XPO6: variants seen among roughly 807,000 people sequenced by gnomAD.
XPO6 encodes the protein exportin 6.
A neutral mutation model predicts 130.0 loss-of-function variants in XPO6; 3 were observed. That is an observed-to-expected ratio of 0.02 (90% CI 0.01 to 0.06). The LOEUF is 0.06. Among genes scored for constraint, XPO6 ranks in the 10% least tolerant of loss-of-function variants. XPO6 has a pLI of 1.00. For missense variants in XPO6, 970 were observed against 1,393.0 expected, an observed-to-expected ratio of 0.70 and a Z score of 4.83; for synonymous variants, 524 against 548.9, an observed-to-expected ratio of 0.95 and a Z score of 0.63.
chr16:28,137,649 T>A (rs1384048880), intron 9 of XPO6, among the ~76,000 whole-genome samples: 4 of 152,170 alleles, frequency 2.6e-5, no homozygotes, highest in Admixed American at 2.6e-4. Flanking sequence ...TATCTTTTTT[T>A]TTTTTAACTT....
intron 9 of XPO6, among the ~76,000 whole-genome samples, chr16:28,142,928 C>T (rs2042920727): frequency 6.6e-6 from 1 of 152,180 alleles, no homozygotes; most frequent in African/African-American, 2.4e-5. Flanking sequence ...CCGGGCTGGT[C>T]TCAAACTCCT....
At chr16:28,203,487 G>A (rs941946951) in intron 1 of XPO6, among the ~76,000 whole-genome samples, 1 of 151,902 alleles carries the variant, frequency 6.6e-6, no homozygotes, top group Admixed American at 6.6e-5. Context: ...CATCCTTCTC[G>A]TGCCCAGGGC....
At chr16:28,194,356 G>A (rs139240733) in intron 1 of XPO6, among the ~76,000 whole-genome samples, 37 of 152,212 alleles carry the variant, frequency 2.4e-4, no homozygotes, top group African/African-American at 7.9e-4. Context: ...TGCTGCAAAC[G>A]AAGAATGTAA....
Position 28,169,834 on chromosome 16 carries a change from G to C in XPO6, c.481C>G (p.Arg161Gly), listed in dbSNP as rs1303341801. The C allele has an allele frequency of 1.9e-6, 3 of 1,614,074 alleles. No individual in the cohort carries two copies. Among genetic ancestry groups the C allele is most frequent in the Non-Finnish European group, 2.5e-6 (3 of 1,180,030 alleles). The part of the protein sequence containing the change: ...KTTSEELACP[R>G]EDLSVARKEE... Reference sequence around the variant, plus strand: ...TTCCGAGCCACACTGAGGTCCTCACGGGGACAAGCCAGCTCTTCTGAAGTT... The same window carrying C: ...TTCCGAGCCACACTGAGGTCCTCACCGGGACAAGCCAGCTCTTCTGAAGTT... The change falls in exon 5 of 24, where the codon CGT becomes GGT. Residue 161 changes from arginine to glycine, a missense_variant. By Grantham distance (125) the Arg-to-Gly change is moderately radical (BLOSUM62 -2). Coordinates refer to ENST00000304658, the MANE Select transcript of XPO6 (RefSeq NM_015171.4).
chr16:28,211,785 G>C lies in XPO6; in HGVS notation c.-417C>G, dbSNP rs1567657144. 1 of 279,956 alleles carries C rather than the reference G, an allele frequency of 3.6e-6. No individual in the cohort carries two copies. Among genetic ancestry groups the C allele is most frequent in the Non-Finnish European group, 6.6e-6 (1 of 151,062 alleles). The allele number at this position is 279,956 out of a possible 1,614,324, so 17.3% of individuals were successfully genotyped here. ...GAACGGGCGGAGGCTGACAGGCCTC[G>C]ACCGCGCGGCCCAGGCGGCCGGCTC... On this transcript the variant is annotated 5_prime_UTR_variant, in exon 1 of 24. Transcript: ENST00000304658.
chr16:28,152,713 G>A lies in XPO6; in HGVS notation c.1170C>T (p.Ser390=). The change falls in exon 8 of 24, where the codon TCC becomes TCT. Residue 390 remains serine (S), a synonymous_variant. Coordinates refer to ENST00000304658, the MANE Select transcript of XPO6 (RefSeq NM_015171.4). The part of the protein sequence containing the change: ...SVHLRRIESY[S]QFPVVEFLTL... ...TCAAAAACTCCACCACAGGGAACTG[G>A]GAGTAAGACTCGATTCTTCTTAGGT... 1.2e-6 allele frequency: 2 copies of A among 1,613,338 alleles called. No homozygotes were observed. Among genetic ancestry groups the A allele is most frequent in the Non-Finnish European group, 1.7e-6 (2 of 1,179,742 alleles).
Position 28,132,646 on chromosome 16 carries a change from CCTT to C in XPO6, c.1537-246_1537-244del, listed in dbSNP as rs1376081777. 7.3e-6 allele frequency among the ~76,000 whole-genome samples: 1 copy of C among 136,624 alleles called. No homozygotes were observed. The highest frequency in any genetic ancestry group is 1.6e-5 in the Non-Finnish European group (1 of 63,132). The allele number at this position is 136,624 out of a possible 152,430, so 89.6% of individuals were successfully genotyped here. ...AAGAAAGAAAACGTATTAGTTCAAC[CCTT>C]TTTTTAAAAAAAAAAAAAAAGCAAA... On this transcript the variant is annotated intron_variant, in intron 11 of 23. Coordinates refer to ENST00000304658, the MANE Select transcript of XPO6 (RefSeq NM_015171.4). The surrounding 1 kb of genome is among the most constrained non-coding windows in gnomAD (Gnocchi z 4.0).
At chr16:28,184,509 G>C (rs1292685383) in intron 1 of XPO6, among the ~76,000 whole-genome samples, 2 of 151,456 alleles carry the variant, frequency 1.3e-5, no homozygotes, top group Middle Eastern at 3.2e-3. Flanking sequence ...ACAATGGAGA[G>C]AGTGTAAAAG....
intron 7 of XPO6, 142 bp from the exon 8 acceptor site, chr16:28,152,927 T>C: frequency 1.5e-6 from 2 of 1,366,536 alleles, no homozygotes; most frequent in African/African-American, 1.5e-5. Flanking sequence ...CTGCAACAAT[T>C]ACCTACAGGA....
intron 9 of XPO6, among the ~76,000 whole-genome samples, chr16:28,137,099 C>T (rs1015186240): frequency 6.6e-6 from 1 of 152,250 alleles, no homozygotes; most frequent in African/African-American, 2.4e-5. Context: ...AGCTTCATTC[C>T]ACATTCCCAG....
chr16:28,113,402 T>C (rs2086978612), intron 15 of XPO6, among the ~76,000 whole-genome samples: 1 of 152,168 alleles, frequency 6.6e-6, no homozygotes, highest in African/African-American at 2.4e-5. Context: ...ACCTCACTAA[T>C]TGTTCCAGCA....
At chr16:28,124,877 GAT>G (rs1288683952) in intron 13 of XPO6, among the ~76,000 whole-genome samples, 1 of 152,228 alleles carries the variant, frequency 6.6e-6, no homozygotes, top group Non-Finnish European at 1.5e-5. Flanking sequence ...CGTCACCAGT[GAT>G]GCGGCTGCTG....
intron 7 of XPO6, among the ~76,000 whole-genome samples, chr16:28,155,072 A>C (rs2043162647): frequency 6.6e-6 from 1 of 152,208 alleles, no homozygotes; most frequent in Non-Finnish European, 1.5e-5. Flanking sequence ...TTAATTTTAG[A>C]AATATTTTAC....
At chr16:28,194,616 C>A (rs755294421) in intron 1 of XPO6, among the ~76,000 whole-genome samples, 1 of 152,124 alleles carries the variant, frequency 6.6e-6, no homozygotes, top group Non-Finnish European at 1.5e-5. Flanking sequence ...TATGGGCCTA[C>A]AGAGCACCAG....
chr16:28,159,175 G>A (rs983527270), intron 6 of XPO6, among the ~76,000 whole-genome samples: 2 of 151,988 alleles, frequency 1.3e-5, no homozygotes, highest in Non-Finnish European at 2.9e-5. Flanking sequence ...AGGCTGCAGT[G>A]AGCTACGATT....
At position 28,125,807 on chromosome 16, in the gene XPO6, G is replaced by A; in HGVS notation, c.1648C>T (p.Leu550=). The A allele has an allele frequency of 6.2e-7, 1 of 1,614,140 alleles. No individual in the cohort carries two copies. Among genetic ancestry groups the A allele is most frequent in the African/African-American group, 1.3e-5 (1 of 75,058 alleles). Residue 550 remains leucine (L), a synonymous_variant, in exon 13 of 24, where the codon CTG becomes TTG. Transcript: ENST00000304658. ...CTCAAGTCTCTCAGGGAGCAGTGCA[G>A]CCGCCGGCAGTCGTTCTCCGCCGTG... ...NITAENDCRR[L]HCSLRDLSSL... is the part of the protein sequence containing the mutation.
chr16:28,194,051 C>A (rs1288748505), intron 1 of XPO6, among the ~76,000 whole-genome samples: 2 of 152,070 alleles, frequency 1.3e-5, no homozygotes, highest in African/African-American at 4.8e-5. Context: ...TGCCCCTGAG[C>A]AAATTACCTA....
In XPO6 at chr16:28,125,758, C is replaced by T. The variant is rs779889004; in HGVS notation, c.1697G>A (p.Arg566His). 2.5e-6 allele frequency: 4 copies of T among 1,614,076 alleles called. No individual in the cohort carries two copies. The highest frequency in any genetic ancestry group is 1.6e-4 in the Middle Eastern group (1 of 6,084). ...ATCCCCGATAAAGTACTCGGCCAGG[C>T]GGCCCACGGCCTGCAGCAGGGAGCT... is the stretch of plus-strand genomic sequence containing the variant. ...DLSSLLQAVG[R>H]LAEYFIGDVF... Residue 566 changes from arginine to histidine, a missense_variant, in exon 13 of 24, where the codon CGC (arginine) becomes CAC (histidine). Coordinates refer to ENST00000304658, the MANE Select transcript of XPO6 (RefSeq NM_015171.4).
At chr16:28,177,181 A>G in intron 3 of XPO6, 39 bp downstream of exon 3, 1 of 1,442,636 alleles carries the variant, frequency 6.9e-7, no homozygotes. Flanking sequence ...AGAACTACAA[A>G]ATCCTTTTCA....
Sources: allele counts gnomAD v4.1 joint callset (sites outside exome capture counted in the v4.1 genomes callset), GRCh38; gene constraint gnomAD v4.1.1; non-coding constraint Gnocchi (gnomAD v3.1); transcripts MANE v1.5; gene names NCBI Gene and HGNC (gene_info 2026-07-23, HGNC 2026-07-21).